Variants in DZIP1 observed in about 807,000 individuals in gnomAD.
DZIP1 encodes the protein DAZ interacting zinc finger protein 1, also known as cilium assembly protein DZIP1.
DZIP1 carries 97 observed loss-of-function variants against 107.6 expected under a neutral mutation model. The ratio of observed to expected loss-of-function variants is 0.90; its 90% CI spans 0.77 to 1.07. The LOEUF is 1.07. Ranked by LOEUF, DZIP1 falls within the 50% of genes least tolerant of loss-of-function variation. The probability of loss-of-function intolerance (pLI) is 0.00; values close to 1 mark genes in which losing one functional copy is unlikely to be tolerated. For missense variants in DZIP1, 1,035 were observed against 1,063.6 expected (o/e 0.97, Z 0.37); for synonymous variants, 390 against 386.4 (o/e 1.01, Z -0.11).
At chr13:95,603,263 T>C (rs1346528419) in intron 14 of DZIP1, among the ~76,000 whole-genome samples, 2 of 118,574 alleles carry the variant, frequency 1.7e-5, no homozygotes, top group South Asian at 2.8e-4. Context: ...GCTATGATCA[T>C]ATCACCACAT....
rs757041731 is a variant in DZIP1, at chr13:95,587,563, T to C, written c.2194A>G (p.Thr732Ala). The C allele has an allele frequency of 1.3e-5, 21 of 1,613,938 alleles. No homozygotes were observed. Among genetic ancestry groups the C allele is most frequent in the Non-Finnish European group, 1.7e-5 (20 of 1,179,990 alleles). Residue 732 changes from threonine (T) to alanine (A), a missense_variant, in exon 20 of 23, where the codon ACT becomes GCT. By Grantham distance (58) the Thr-to-Ala change is moderately conservative. Coordinates refer to ENST00000376829, the MANE Select transcript of DZIP1 (RefSeq NM_198968.4). ...CCTGCGGGCTTGGGAGAATCATCAGTGTCCTCGATTTCGCTTCCCTCGGTC... is the reference window on the plus strand; with the variant it reads ...CCTGCGGGCTTGGGAGAATCATCAGCGTCCTCGATTTCGCTTCCCTCGGTC... ...DGTEGSEIED[T>A]DDSPKPAGVA...
intron 16 of DZIP1, among the ~76,000 whole-genome samples, chr13:95,590,911 C>T (rs2044294152): frequency 6.6e-6 from 1 of 152,028 alleles, no homozygotes; most frequent in Non-Finnish European, 1.5e-5. Flanking sequence ...CAGGCTAATG[C>T]TTAAAAAGAC....
At chr13:95,621,707 T>TGTGA (rs1377975824) in intron 9 of DZIP1, among the ~76,000 whole-genome samples, 1 of 150,610 alleles carries the variant, frequency 6.6e-6, no homozygotes, top group Non-Finnish European at 1.5e-5. Flanking sequence ...TGTGTGTGTG[T>TGTGA]GTGTGTGTAT....
intron 14 of DZIP1, among the ~76,000 whole-genome samples, chr13:95,604,459 TG>T (rs1479892760): frequency 6.6e-5 from 10 of 152,206 alleles, no homozygotes; most frequent in African/African-American, 2.2e-4. Flanking sequence ...ATCCAAGGGC[TG>T]TAGGCCCTGT....
intron 12 of DZIP1, among the ~76,000 whole-genome samples, chr13:95,610,253 C>G (rs952607540): frequency 6.6e-6 from 1 of 151,856 alleles, no homozygotes; most frequent in Non-Finnish European, 1.5e-5. Context: ...CCCAAACAGC[C>G]ACAGTTGAGA....
rs2043982135 is a variant in DZIP1, at chr13:95,579,283, T to C, written c.*2951A>G. On this transcript the variant is annotated 3_prime_UTR_variant, in exon 23 of 23. Coordinates refer to ENST00000376829, the MANE Select transcript of DZIP1 (RefSeq NM_198968.4). ...GAGACTTGTCATTTCTAAAGACATT[T>C]AAGTTGCTCCAGGGATTTCTGAAAA... The C allele has an allele frequency of 6.6e-6, 1 of 152,194 alleles. No homozygotes were observed. The highest frequency in any genetic ancestry group is 2.4e-5 in the African/African-American group (1 of 41,430). 9.4% of individuals were successfully genotyped at this position (152,194 alleles called of 1,614,324 possible).
chr13:95,591,206 T>G (rs1006508075), intron 16 of DZIP1, among the ~76,000 whole-genome samples: 1 of 151,884 alleles, frequency 6.6e-6, no homozygotes, highest in Non-Finnish European at 1.5e-5. Flanking sequence ...TTTTTGTATT[T>G]TTAGTAGAGA....
intron 5 of DZIP1, among the ~76,000 whole-genome samples, chr13:95,639,994 A>AT (rs1370217884): frequency 8.1e-6 from 1 of 123,666 alleles, no homozygotes; most frequent in Non-Finnish European, 1.8e-5. Flanking sequence ...TTTTATTTTT[A>AT]TTTATTTTTT....
rs183981481 is a variant in DZIP1, at chr13:95,602,368, T to C, written c.1478-2944A>G. ...GGAAGTCTTCCCAGAGTCTCCCAAA[T>C]GGAGGAAATCTCTCCCCTGCCTGGA... is the stretch of plus-strand genomic sequence containing the variant. On this transcript the variant is annotated intron_variant, in intron 14 of 22. Transcript: ENST00000376829. Among the ~76,000 whole-genome samples the C allele has an allele frequency of 4.1e-4, 62 of 152,304 alleles. 1 individual carries two copies. The highest frequency in any genetic ancestry group is 1.3e-3 in the African/African-American group (56 of 41,578).
chr13:95,626,563 A>T (rs1354186472), intron 7 of DZIP1, among the ~76,000 whole-genome samples: 1 of 152,180 alleles, frequency 6.6e-6, no homozygotes, highest in Admixed American at 6.5e-5. Context: ...ACCTCCTAAA[A>T]AGGAAAAGTC....
rs144451629 is a variant in DZIP1 at position 95,607,141 on chromosome 13, G to A, written c.1421-1082C>T. On this transcript the variant is annotated intron_variant, in intron 13 of 22. Transcript: ENST00000376829. The stretch of plus-strand genomic sequence containing the variant: ...AGCTCACTACAACCTTTGCCTCCTG[G>A]GCTCAAGCAACTCTCCTGCCTCAGC... Among the ~76,000 whole-genome samples the A allele has an allele frequency of 7.0e-3, 1,064 of 152,158 alleles. 9 individuals carry two copies. The highest frequency in any genetic ancestry group is 0.054 in the Middle Eastern group (16 of 294).
At chr13:95,620,590 A>G (rs2139240014) in intron 9 of DZIP1, among the ~76,000 whole-genome samples, 1 of 152,342 alleles carries the variant, frequency 6.6e-6, no homozygotes, top group Non-Finnish European at 1.5e-5. Context: ...GTCACAACAC[A>G]ACACAATACA....
In DZIP1 at chr13:95,589,823, A is replaced by C; in HGVS notation, c.1953T>G (p.Thr651=). The C allele has an allele frequency of 6.2e-6, 10 of 1,614,024 alleles. No individual in the cohort carries two copies. The highest frequency in any genetic ancestry group is 8.5e-6 in the Non-Finnish European group (10 of 1,179,944). Residue 651 remains threonine (T), a synonymous_variant, in exon 18 of 23, where the codon ACT becomes ACG. Coordinates refer to ENST00000376829, the MANE Select transcript of DZIP1 (RefSeq NM_198968.4). ...RQLIRQKAVS[T]DRTSVPKIKK... Reference sequence around the variant, plus strand: ...CTCACTTTGGAACAGATGTCCTATCAGTAGAAACAGCTTTTTGTCTAATCA... The same window carrying C: ...CTCACTTTGGAACAGATGTCCTATCCGTAGAAACAGCTTTTTGTCTAATCA...
intron 5 of DZIP1, among the ~76,000 whole-genome samples, chr13:95,638,010 A>T (rs1199555044): frequency 6.6e-6 from 1 of 150,772 alleles, no homozygotes; most frequent in African/African-American, 2.4e-5. Context: ...AAAATTATTT[A>T]TTTCTAAGAT....
chr13:95,644,290 G>C (rs1167599043), intron 1 of DZIP1, 87 bp downstream of exon 1: 1 of 152,588 alleles, frequency 6.6e-6, no homozygotes, highest in East Asian at 1.9e-4. Context: ...GCAGCCTGGA[G>C]AGGCAGGAGG....
chr13:95,632,351 C>G (rs1247362563), intron 6 of DZIP1, among the ~76,000 whole-genome samples: 1 of 152,118 alleles, frequency 6.6e-6, no homozygotes, highest in Non-Finnish European at 1.5e-5. Context: ...GACCCTGGCC[C>G]TCCATCACAG....
chr13:95,611,314 T>C (rs2044996701), intron 12 of DZIP1, 131 bp downstream of exon 12: 1 of 699,478 alleles, frequency 1.4e-6, no homozygotes. Flanking sequence ...AGAGGACAGA[T>C]CTACGAAATC....
intron 13 of DZIP1, 30 bp downstream of exon 13, chr13:95,609,427 T>A: frequency 6.9e-7 from 1 of 1,450,642 alleles, no homozygotes; most frequent in Non-Finnish European, 9.2e-7. Flanking sequence ...AAGATACCTT[T>A]GGAGCCCTGC....
intron 6 of DZIP1, chr13:95,630,706 G>A (rs1400664462): frequency 1.6e-6 from 2 of 1,249,486 alleles, no homozygotes; most frequent in Non-Finnish European, 2.1e-6. Flanking sequence ...TTATGTACAT[G>A]TACTTACATG....
Sources: gnomAD v4.1 joint callset for allele counts (sites outside exome capture counted in the v4.1 genomes callset) on GRCh38, gnomAD v4.1.1 for gene constraint, MANE v1.5 for transcripts, NCBI Gene and HGNC (gene_info 2026-07-23, HGNC 2026-07-21) for gene names.